Variants in GRIN2B observed in about 807,000 individuals in gnomAD.
GRIN2B encodes the protein glutamate ionotropic receptor NMDA type subunit 2B.
A neutral mutation model predicts 114.5 loss-of-function variants in GRIN2B; 5 were observed. The ratio of observed to expected loss-of-function variants is 0.04; its 90% CI spans 0.02 to 0.09. GRIN2B has a LOEUF of 0.09. Among genes scored for constraint, GRIN2B ranks in the 10% least tolerant of loss-of-function variants. GRIN2B has a pLI of 1.00. For synonymous variants in GRIN2B, 787 were observed against 745.1 expected (o/e 1.06, Z -0.92); for missense variants, 1,108 against 1,943.5 (o/e 0.57, Z 8.08).
intron 10 of GRIN2B, among the ~76,000 whole-genome samples, chr12:13,593,270 C>T (rs1949031380): frequency 6.6e-6 from 1 of 152,204 alleles, no homozygotes; most frequent in African/African-American, 2.4e-5. Flanking sequence ...AAGCTGGAGG[C>T]ATCATGCTAC....
At chr12:13,747,122 A>G (rs1366990671) in intron 4 of GRIN2B, among the ~76,000 whole-genome samples, 1 of 152,226 alleles carries the variant, frequency 6.6e-6, no homozygotes, top group South Asian at 2.1e-4. Context: ...GAAGAATAAC[A>G]AAAAAGAGAC....
intron 8 of GRIN2B, among the ~76,000 whole-genome samples, chr12:13,613,950 T>C (rs952701700): frequency 7.0e-6 from 1 of 142,644 alleles, no homozygotes; most frequent in Non-Finnish European, 1.5e-5. Context: ...AGTGCTATAC[T>C]GACAAGGTTA....
intron 2 of GRIN2B, among the ~76,000 whole-genome samples, chr12:13,978,215 T>C (rs1044766654): frequency 6.6e-6 from 1 of 152,204 alleles, no homozygotes; most frequent in Non-Finnish European, 1.5e-5. Flanking sequence ...CCCATACCTC[T>C]TTTCTATTTT....
intron 3 of GRIN2B, among the ~76,000 whole-genome samples, chr12:13,847,869 G>A (rs1170496801): frequency 1.3e-5 from 2 of 152,096 alleles, no homozygotes; most frequent in Non-Finnish European, 2.9e-5. Context: ...TGGTTAAAAC[G>A]GTCCATAAAT....
In GRIN2B at chr12:13,980,198, G is replaced by A. The variant is rs560512524; in HGVS notation, c.-289C>T. ...GCAGAATCCAGAGTAATTATTCCGTGTGCATGTGAGGTTAGTGGCTGGAAT... is the reference window on the plus strand; with the variant it reads ...GCAGAATCCAGAGTAATTATTCCGTATGCATGTGAGGTTAGTGGCTGGAAT... On this transcript the variant is annotated 5_prime_UTR_variant, in exon 2 of 14. Transcript: ENST00000609686. 6 of 152,338 alleles carry A rather than the reference G, an allele frequency of 3.9e-5. No homozygotes were observed. The highest frequency in any genetic ancestry group is 3.4e-3 in the Middle Eastern group (1 of 294). The allele number at this position is 152,338 out of a possible 1,614,324, so 9.4% of individuals were successfully genotyped here.
chr12:13,721,852 C>T (rs1862886690), intron 4 of GRIN2B, among the ~76,000 whole-genome samples: 1 of 152,004 alleles, frequency 6.6e-6, no homozygotes, highest in African/African-American at 2.4e-5. Flanking sequence ...GCCCTTTGGG[C>T]CGCGAACATT....
chr12:13,747,996 G>A (rs1230011540), intron 4 of GRIN2B, among the ~76,000 whole-genome samples: 1 of 152,196 alleles, frequency 6.6e-6, no homozygotes, highest in African/African-American at 2.4e-5. Flanking sequence ...TAGGAAGATT[G>A]AGCTTATCAC....
chr12:13,745,902 C>G (rs184855140), intron 4 of GRIN2B, among the ~76,000 whole-genome samples: 2 of 152,174 alleles, frequency 1.3e-5, no homozygotes, highest in East Asian at 3.9e-4. Flanking sequence ...TCTTTTCATT[C>G]CTGCTTTTTA....
intron 10 of GRIN2B, among the ~76,000 whole-genome samples, chr12:13,593,203 T>C (rs1183544389): frequency 6.6e-6 from 1 of 152,166 alleles, no homozygotes; most frequent in Non-Finnish European, 1.5e-5. Context: ...CTACTTTAAA[T>C]TTCATGTGGA....
chr12:13,611,995 G>T, intron 8 of GRIN2B, 145 bp from the exon 9 acceptor site: 1 of 780,070 alleles, frequency 1.3e-6, no homozygotes. Context: ...GCCTAGGTTA[G>T]ATTGTACTGA....
At chr12:13,566,349 A>T (rs1948639463) in intron 13 of GRIN2B, among the ~76,000 whole-genome samples, 2 of 152,154 alleles carry the variant, frequency 1.3e-5, no homozygotes, top group Non-Finnish European at 2.9e-5. Flanking sequence ...ACAAAACCAA[A>T]AGAAGCTCAC....
At chr12:13,704,447 A>G (rs1335447624) in intron 4 of GRIN2B, among the ~76,000 whole-genome samples, 1 of 152,170 alleles carries the variant, frequency 6.6e-6, no homozygotes, top group Non-Finnish European at 1.5e-5. Flanking sequence ...ATCCTGACAC[A>G]CCAACAGATT....
At chr12:13,743,804 T>C (rs1863325756) in intron 4 of GRIN2B, among the ~76,000 whole-genome samples, 1 of 152,224 alleles carries the variant, frequency 6.6e-6, no homozygotes, top group Non-Finnish European at 1.5e-5. Context: ...TTAATCATCA[T>C]CATTATTAGC....
At position 13,615,139 on chromosome 12, in the gene GRIN2B, C is replaced by A. The variant is rs199517784; in HGVS notation, c.1629G>T (p.Gly543=). ...GISVMVSRSN[G]TVSPSAFLEP... is the part of the protein sequence containing the mutation. The stretch of plus-strand genomic sequence containing the variant: ...CTAAGAAGGCAGAAGGTGAGACAGT[C>A]CCATTGCTGCGTGACACCATGACAC... The change falls in exon 8 of 14, where the codon GGG becomes GGT. Residue 543 remains glycine, a synonymous_variant. Coordinates refer to ENST00000609686, the MANE Select transcript of GRIN2B (RefSeq NM_000834.5). The surrounding 1 kb of genome is among the most constrained non-coding windows in gnomAD (Gnocchi z 5.8). 1 of 1,613,456 alleles carries A rather than the reference C, an allele frequency of 6.2e-7. No homozygotes were observed. Among genetic ancestry groups the A allele is most frequent in the Non-Finnish European group, 8.5e-7 (1 of 1,179,386 alleles).
intron 10 of GRIN2B, among the ~76,000 whole-genome samples, chr12:13,589,083 A>G (rs182300749): frequency 9.2e-5 from 14 of 152,246 alleles, no homozygotes; most frequent in South Asian, 6.2e-4. Flanking sequence ...TCATATTCAC[A>G]ATTTACCTGA....
At chr12:13,820,766 C>T (rs759128185) in intron 3 of GRIN2B, among the ~76,000 whole-genome samples, 4 of 152,106 alleles carry the variant, frequency 2.6e-5, no homozygotes, top group African/African-American at 7.2e-5. Context: ...GAAATCCTTC[C>T]TCCTTTTCCC....
At chr12:13,760,908 G>C (rs1863666652) in intron 3 of GRIN2B, among the ~76,000 whole-genome samples, 1 of 152,032 alleles carries the variant, frequency 6.6e-6, no homozygotes, top group South Asian at 2.1e-4. Flanking sequence ...TTTTTTTCTG[G>C]TGACTAAGGC....
At chr12:13,703,025 A>G (rs1950326249) in intron 4 of GRIN2B, among the ~76,000 whole-genome samples, 1 of 152,212 alleles carries the variant, frequency 6.6e-6, no homozygotes, top group African/African-American at 2.4e-5. Context: ...AAGTGTTTGG[A>G]GGAATGGACA....
chr12:13,704,314 G>A (rs1950339439), intron 4 of GRIN2B, among the ~76,000 whole-genome samples: 1 of 152,092 alleles, frequency 6.6e-6, no homozygotes, highest in African/African-American at 2.4e-5. Flanking sequence ...AAAGGGAAAG[G>A]ATGGAGGAGA....
Sources: allele counts gnomAD v4.1 joint callset (sites outside exome capture counted in the v4.1 genomes callset), GRCh38; gene constraint gnomAD v4.1.1; non-coding constraint Gnocchi (gnomAD v3.1); transcripts MANE v1.5; gene names NCBI Gene and HGNC (gene_info 2026-07-23, HGNC 2026-07-21).